The following PCDHGB4 variants were observed in gnomAD, a reference collection of about 807,000 sequenced individuals.
PCDHGB4 encodes the protein protocadherin gamma subfamily B, 4.
PCDHGB4 carries 38 observed loss-of-function variants against 60.5 expected under a neutral mutation model. The observed-to-expected ratio is 0.63, with a 90% CI of 0.48 to 0.82. The LOEUF is 0.82. Among genes scored for constraint, PCDHGB4 ranks in the 40% least tolerant of loss-of-function variants. The pLI, the probability that PCDHGB4 is intolerant of heterozygous loss-of-function variation, is 0.00. For missense variants in PCDHGB4, 1,109 were observed against 1,209.6 expected, an observed-to-expected ratio of 0.92 and a Z score of 1.23; for synonymous variants, 456 against 509.7, an observed-to-expected ratio of 0.89 and a Z score of 1.42.
intron 1 of PCDHGB4, among the ~76,000 whole-genome samples, chr5:141,435,732 C>T (rs2097777160): frequency 6.6e-6 from 1 of 152,150 alleles, no homozygotes; most frequent in South Asian, 2.1e-4. Flanking sequence ...AAGTGTATTA[C>T]TCTTTGAAAA....
chr5:141,425,426 A>T (rs1227154364), intron 1 of PCDHGB4, among the ~76,000 whole-genome samples: 1 of 152,236 alleles, frequency 6.6e-6, no homozygotes, highest in African/African-American at 2.4e-5. Flanking sequence ...AGTCCCATTA[A>T]ATAGAGGATA....
chr5:141,402,281 C>A (rs1589453227), intron 1 of PCDHGB4, among the ~76,000 whole-genome samples: 1 of 151,846 alleles, frequency 6.6e-6, no homozygotes, highest in African/African-American at 2.4e-5. Flanking sequence ...AGTGGATAAT[C>A]TATCCTTATA....
intron 1 of PCDHGB4, among the ~76,000 whole-genome samples, chr5:141,426,065 G>C (rs1214623774): frequency 1.3e-5 from 2 of 152,184 alleles, no homozygotes; most frequent in East Asian, 3.8e-4. Flanking sequence ...GCAAGAACTG[G>C]AGCCTGGGAT....
rs2095330785 is a variant in PCDHGB4 at position 141,409,884 on chromosome 5, G to C, written c.2397+19603G>C. The C allele has an allele frequency of 1.9e-6, 3 of 1,612,952 alleles. No individual in the cohort carries two copies. In the South Asian group the frequency reaches 3.3e-5, roughly 18 times the overall value. On this transcript the variant is annotated intron_variant, in intron 1 of 3. Transcript: ENST00000519479. ...GGAGACCGCAATGACAACGCACCGC[G>C]GGTGCTGTACCCAGCTCTGGGTCCT...
Position 141,431,697 on chromosome 5 carries a change from G to A in PCDHGB4, c.2397+41416G>A. The A allele has an allele frequency of 6.2e-7, 1 of 1,614,206 alleles. No homozygotes were observed. Among genetic ancestry groups the A allele is most frequent in the South Asian group, 1.1e-5 (1 of 91,084 alleles). On this transcript the variant is annotated intron_variant, in intron 1 of 3. Transcript: ENST00000519479. This position sits in a 1 kb window ranked among gnomAD's most constrained non-coding sequence, Gnocchi z 4.8. Reference sequence around the variant, plus strand: ...GGGGAGTTGGACCACGAGGAGTCAGGATTCTACCAGATGGAAGTGCAAGCA... The same window carrying A: ...GGGGAGTTGGACCACGAGGAGTCAGAATTCTACCAGATGGAAGTGCAAGCA...
rs1246204844 is a variant in PCDHGB4, at chr5:141,419,493, A to T, written c.2397+29212A>T. On this transcript the variant is annotated intron_variant, in intron 1 of 3. Coordinates refer to ENST00000519479, the MANE Select transcript of PCDHGB4 (RefSeq NM_003736.4). ...CAGGGCTCGCCCGCGCTCAGCGCCA[A>T]TGTGAGCCTGCGCGTGTTGGTGGGC... 3 of 1,612,264 alleles carry T rather than the reference A, an allele frequency of 1.9e-6. No individual in the cohort carries two copies. The African/African-American group carries it at 4.0e-5, about 22-fold the overall frequency.
At chr5:141,419,938 G>A in intron 1 of PCDHGB4, 1 of 1,614,102 alleles carries the variant, frequency 6.2e-7, no homozygotes, top group Non-Finnish European at 8.5e-7. Context: ...TTTACCTGGT[G>A]GTGGCCTTGG....
rs372656276 is a variant in PCDHGB4, at chr5:141,415,107, A to G, written c.2397+24826A>G. ...TGCTGGACAGAGACGCGCTCAAGCA[A>G]AGCCTCGTAGTGGCCGTCCAGGACC... is the stretch of plus-strand genomic sequence containing the variant. On this transcript the variant is annotated intron_variant, in intron 1 of 3. Transcript: ENST00000519479. 1,052 of 1,613,570 alleles carry G rather than the reference A, an allele frequency of 6.5e-4. 7 individuals carry two copies. The African/African-American group carries it at 8.4e-3, about 13-fold the overall frequency.
chr5:141,489,991 A>G lies in PCDHGB4; in HGVS notation c.2398-4816A>G, dbSNP rs1157441385. On this transcript the variant is annotated intron_variant, in intron 1 of 3. Coordinates refer to ENST00000519479, the MANE Select transcript of PCDHGB4 (RefSeq NM_003736.4). The surrounding 1 kb of genome is among the most constrained non-coding windows in gnomAD (Gnocchi z 4.5). Reference sequence around the variant, plus strand: ...CCAATCCTCAGTTCTACGTGTGGGAATCCCAGAGAATGCACCCATTGGTAC... The same window carrying G: ...CCAATCCTCAGTTCTACGTGTGGGAGTCCCAGAGAATGCACCCATTGGTAC... The G allele has an allele frequency of 6.2e-7, 1 of 1,614,228 alleles. No individual in the cohort carries two copies. Among genetic ancestry groups the G allele is most frequent in the South Asian group, 1.1e-5 (1 of 91,090 alleles).
chr5:141,404,271 T>A, intron 1 of PCDHGB4: 1 of 1,614,000 alleles, frequency 6.2e-7, no homozygotes, highest in Non-Finnish European at 8.5e-7. Flanking sequence ...CACATCACCC[T>A]GCAAGTGACT....
At position 141,487,025 on chromosome 5, in the gene PCDHGB4, C is replaced by T. The variant is rs769789352; in HGVS notation, c.2398-7782C>T. On this transcript the variant is annotated intron_variant, in intron 1 of 3. Transcript: ENST00000519479. This position sits in a 1 kb window ranked among gnomAD's most constrained non-coding sequence, Gnocchi z 5.0. ...GCTCCTGGAGGCCCCAGATCCCAGCCTGTTTGCAGTCTCTCGATATGCTGG... is the reference window on the plus strand; with the variant it reads ...GCTCCTGGAGGCCCCAGATCCCAGCTTGTTTGCAGTCTCTCGATATGCTGG... 1.9e-6 allele frequency: 3 copies of T among 1,614,216 alleles called. No homozygotes were observed. Among genetic ancestry groups the T allele is most frequent in the Non-Finnish European group, 2.5e-6 (3 of 1,180,050 alleles).
At chr5:141,391,452 C>T (rs1004301347) in intron 1 of PCDHGB4, 13 of 152,114 alleles carry the variant, frequency 8.5e-5, no homozygotes, top group African/African-American at 3.1e-4. Context: ...AGCTGGAACT[C>T]AGGCTCATGC....
In PCDHGB4 at chr5:141,431,710, G is replaced by A. The variant is rs1249423969; in HGVS notation, c.2397+41429G>A. On this transcript the variant is annotated intron_variant, in intron 1 of 3. Coordinates refer to ENST00000519479, the MANE Select transcript of PCDHGB4 (RefSeq NM_003736.4). The surrounding 1 kb of genome is among the most constrained non-coding windows in gnomAD (Gnocchi z 4.8). ...ACGAGGAGTCAGGATTCTACCAGAT[G>A]GAAGTGCAAGCAATGGATAATGCAG... is the stretch of plus-strand genomic sequence containing the variant. 3.1e-6 allele frequency: 5 copies of A among 1,614,116 alleles called. No individual in the cohort carries two copies. Among genetic ancestry groups the A allele is most frequent in the South Asian group, 1.1e-5 (1 of 91,088 alleles).
At chr5:141,395,156 T>C in intron 1 of PCDHGB4, 4 of 1,614,114 alleles carry the variant, frequency 2.5e-6, no homozygotes, top group East Asian at 4.5e-5. Context: ...TGCTCATCAG[T>C]CAGGAGGGCT....
intron 1 of PCDHGB4, chr5:141,420,280 T>C: frequency 6.6e-7 from 1 of 1,513,274 alleles, no homozygotes; most frequent in Non-Finnish European, 8.9e-7. Context: ...AACAGGTAAG[T>C]ATTTAAAAAT....
rs1270447529 is a variant in PCDHGB4 at position 141,490,526 on chromosome 5, C to A, written c.2398-4281C>A. 3 of 1,614,116 alleles carry A rather than the reference C, an allele frequency of 1.9e-6. No homozygotes were observed. Among genetic ancestry groups the A allele is most frequent in the Non-Finnish European group, 2.5e-6 (3 of 1,180,008 alleles). On this transcript the variant is annotated intron_variant, in intron 1 of 3. Transcript: ENST00000519479. This position sits in a 1 kb window ranked among gnomAD's most constrained non-coding sequence, Gnocchi z 5.4. ...ATCATCGAGCTGCTGGCCAGCGATG[C>A]TGGTTCACCTTCCCTACACAAACAT...
intron 1 of PCDHGB4, chr5:141,428,587 G>T: frequency 4.4e-6 from 1 of 226,768 alleles, no homozygotes; most frequent in Non-Finnish European, 8.9e-6. Context: ...AGTTTCTCTG[G>T]TAGCAAGCTT....
In PCDHGB4 at chr5:141,486,194, C is replaced by A. The variant is rs1248456800; in HGVS notation, c.2398-8613C>A. The A allele has an allele frequency of 6.2e-7, 1 of 1,614,196 alleles. No individual in the cohort carries two copies. Among genetic ancestry groups the A allele is most frequent in the Non-Finnish European group, 8.5e-7 (1 of 1,180,026 alleles). ...ACATTGCAGCCTTCGAGTGGATCTG[C>A]TGGACGTAAATGACAATGCCCCTTA... On this transcript the variant is annotated intron_variant, in intron 1 of 3. Transcript: ENST00000519479. The surrounding 1 kb of genome is among the most constrained non-coding windows in gnomAD (Gnocchi z 5.0).
Position 141,410,300 on chromosome 5 carries a change from T to A in PCDHGB4, c.2397+20019T>A, listed in dbSNP as rs1233506038. 4 of 1,614,022 alleles carry A rather than the reference T, an allele frequency of 2.5e-6. No individual in the cohort carries two copies. In the Admixed American group the frequency reaches 6.7e-5, roughly 27 times the overall value. ...CCTGGTGGTGGCCTTGGCCTTAATC[T>A]CAGTGCTCTTCCTCCTCGCCGTGAT... On this transcript the variant is annotated intron_variant, in intron 1 of 3. Coordinates refer to ENST00000519479, the MANE Select transcript of PCDHGB4 (RefSeq NM_003736.4).
Sources: gnomAD v4.1 joint callset for allele counts (sites outside exome capture counted in the v4.1 genomes callset) on GRCh38, gnomAD v4.1.1 for gene constraint, Gnocchi (gnomAD v3.1) non-coding constraint, MANE v1.5 for transcripts, NCBI Gene and HGNC (gene_info 2026-07-23, HGNC 2026-07-21) for gene names.